Variants in RPS6KA2 observed in about 807,000 individuals in gnomAD.
The protein encoded by RPS6KA2 is ribosomal protein S6 kinase alpha-2.
In RPS6KA2, 42 loss-of-function variants were observed where a neutral mutation model predicts 91.8. The observed-to-expected ratio is 0.46, with a 90% CI of 0.36 to 0.59. RPS6KA2 has a LOEUF of 0.59. Among genes scored for constraint, RPS6KA2 ranks in the 20% least tolerant of loss-of-function variants. The pLI is 0.00. For missense variants in RPS6KA2, 798 were observed against 978.5 expected (o/e 0.82, Z 2.46); for synonymous variants, 414 against 393.6 (o/e 1.05, Z -0.61).
At chr6:166,596,079 C>T (rs1043714948) in intron 1 of RPS6KA2, among the ~76,000 whole-genome samples, 1 of 152,222 alleles carries the variant, frequency 6.6e-6, no homozygotes, top group Admixed American at 6.5e-5. Flanking sequence ...ATGTGACTTG[C>T]ACTGTGATGC....
chr6:166,682,643 A>T (rs1474652139), intron 2 of RPS6KA2, among the ~76,000 whole-genome samples: 2 of 152,224 alleles, frequency 1.3e-5, no homozygotes, highest in Non-Finnish European at 2.9e-5. Flanking sequence ...ACTGGGTGGG[A>T]GTGTGGAGAT....
chr6:166,525,624 G>C (rs141253807), intron 3 of RPS6KA2, among the ~76,000 whole-genome samples: 182 of 152,344 alleles, frequency 1.2e-3, no homozygotes, highest in Non-Finnish European at 1.7e-3. Flanking sequence ...ACGGTTTGGA[G>C]AAACAAGCTG....
chr6:166,730,532 G>T (rs1790479393), intron 2 of RPS6KA2, among the ~76,000 whole-genome samples: 1 of 152,164 alleles, frequency 6.6e-6, no homozygotes, highest in Non-Finnish European at 1.5e-5. Flanking sequence ...ACCTTAGAAT[G>T]CTGCGTGTCA....
At chr6:166,760,545 G>A (rs371658589) in intron 2 of RPS6KA2, among the ~76,000 whole-genome samples, 6 of 152,206 alleles carry the variant, frequency 3.9e-5, no homozygotes, top group East Asian at 3.8e-4. Context: ...TGATTCTATC[G>A]CTCCTGGCAA....
At chr6:166,657,519 G>A (rs1431642422) in intron 2 of RPS6KA2, among the ~76,000 whole-genome samples, 1 of 152,188 alleles carries the variant, frequency 6.6e-6, no homozygotes, top group African/African-American at 2.4e-5. Flanking sequence ...TGAAACTAAC[G>A]ACACGGAACC....
intron 2 of RPS6KA2, among the ~76,000 whole-genome samples, chr6:166,727,684 A>G (rs1443154844): frequency 6.6e-6 from 1 of 152,134 alleles, no homozygotes; most frequent in Non-Finnish European, 1.5e-5. Context: ...CAGCACCCTA[A>G]GTCACCAGCA....
chr6:166,685,082 A>G (rs528210334), intron 2 of RPS6KA2, among the ~76,000 whole-genome samples: 50 of 152,330 alleles, frequency 3.3e-4, no homozygotes, highest in South Asian at 1.9e-3. Flanking sequence ...AAGCACCCCA[A>G]CCTCGAAGTC....
intron 2 of RPS6KA2, among the ~76,000 whole-genome samples, chr6:166,815,338 C>T (rs973336100): frequency 1.3e-5 from 2 of 152,192 alleles, no homozygotes; most frequent in African/African-American, 2.4e-5. Flanking sequence ...ACCTCTGATC[C>T]CTGTGCGGAT....
Position 166,600,758 on chromosome 6 carries a change from T to A in RPS6KA2, c.99+26163A>T, listed in dbSNP as rs181995050. Among the ~76,000 whole-genome samples the A allele has an allele frequency of 1.7e-3, 254 of 152,334 alleles. 2 individuals are homozygous for A. The highest frequency in any genetic ancestry group is 2.2e-3 in the Admixed American group (34 of 15,302). Reference sequence around the variant, plus strand: ...ATTTGAAGTAAAATGAAATTTCAGATGTGTAGAAATCAGTGAAAGAAGCTC... The same window carrying A: ...ATTTGAAGTAAAATGAAATTTCAGAAGTGTAGAAATCAGTGAAAGAAGCTC... On this transcript the variant is annotated intron_variant, in intron 1 of 20. Coordinates refer to ENST00000265678, the MANE Select transcript of RPS6KA2 (RefSeq NM_021135.6).
chr6:166,779,963 G>A (rs1299596344), intron 2 of RPS6KA2, among the ~76,000 whole-genome samples: 1 of 152,166 alleles, frequency 6.6e-6, no homozygotes, highest in African/African-American at 2.4e-5. Context: ...TCATCCCAAG[G>A]ATACCACCAT....
chr6:166,680,433 T>A (rs144120025), intron 2 of RPS6KA2, among the ~76,000 whole-genome samples: 29 of 152,318 alleles, frequency 1.9e-4, no homozygotes, highest in African/African-American at 7.0e-4. Flanking sequence ...CCAGGAGACC[T>A]ACCTGCTCTG....
intron 2 of RPS6KA2, among the ~76,000 whole-genome samples, chr6:166,735,907 C>T (rs902440736): frequency 1.3e-5 from 2 of 152,146 alleles, no homozygotes; most frequent in Admixed American, 6.5e-5. Flanking sequence ...TGAAAAGCTT[C>T]GTAAGAAAGA....
intron 3 of RPS6KA2, 33 bp downstream of exon 3, chr6:166,531,199 C>G: frequency 1.4e-6 from 2 of 1,445,500 alleles, no homozygotes; most frequent in Non-Finnish European, 1.9e-6. Context: ...AGTTACCTGT[C>G]TCTGAAGCAG....
intron 1 of RPS6KA2, among the ~76,000 whole-genome samples, chr6:166,584,946 C>T (rs1785122447): frequency 6.6e-6 from 1 of 152,202 alleles, no homozygotes. Flanking sequence ...GAGGGGGTGG[C>T]ACATTGGTGT....
chr6:166,625,331 ACCCCC>A lies in RPS6KA2; in HGVS notation c.99+1585_99+1589del, dbSNP rs10583661. On this transcript the variant is annotated intron_variant, in intron 1 of 20. Coordinates refer to ENST00000265678, the MANE Select transcript of RPS6KA2 (RefSeq NM_021135.6). ...CGTTTCCTATTCCCACCACCCCCCC[ACCCCC>A]CCCCCCGCTTGTTTCCCACTGTATT... 4.4e-3 allele frequency among the ~76,000 whole-genome samples: 229 copies of A among 52,618 alleles called. 7 individuals are homozygous for A. The highest frequency in any genetic ancestry group is 0.016 in the African/African-American group (209 of 13,240). 34.5% of individuals were successfully genotyped at this position (52,618 alleles called of 152,430 possible).
chr6:166,594,413 T>A (rs1011222284), intron 1 of RPS6KA2, among the ~76,000 whole-genome samples: 1 of 152,186 alleles, frequency 6.6e-6, no homozygotes, highest in Non-Finnish European at 1.5e-5. Flanking sequence ...ATTAAAAAAA[T>A]TGTCACGTGA....
intron 2 of RPS6KA2, among the ~76,000 whole-genome samples, chr6:166,766,969 T>C (rs1316703104): frequency 6.6e-6 from 1 of 152,162 alleles, no homozygotes; most frequent in Non-Finnish European, 1.5e-5. Flanking sequence ...CTCGCCTTTG[T>C]TTACAAGTCC....
chr6:166,804,962 C>G (rs1178713896), intron 2 of RPS6KA2, among the ~76,000 whole-genome samples: 1 of 152,200 alleles, frequency 6.6e-6, no homozygotes, highest in East Asian at 1.9e-4. Context: ...CACTTTTTCT[C>G]TCTTTCCTCT....
In RPS6KA2 at chr6:166,437,188, C is replaced by T. The variant is rs1266771592; in HGVS notation, c.1333-4698G>A. ...GCTGCGGGCAGCCGGGGTTTGGACACACTGTTTAGGAGCACCAGGGAGTGG... is the reference window on the plus strand; with the variant it reads ...GCTGCGGGCAGCCGGGGTTTGGACATACTGTTTAGGAGCACCAGGGAGTGG... On this transcript the variant is annotated intron_variant, in intron 14 of 20. Coordinates refer to ENST00000265678, the MANE Select transcript of RPS6KA2 (RefSeq NM_021135.6). This position sits in a 1 kb window ranked among gnomAD's most constrained non-coding sequence, Gnocchi z 4.3. Among the ~76,000 whole-genome samples, 1 of 152,070 alleles carries T rather than the reference C, an allele frequency of 6.6e-6. No homozygotes were observed. Among genetic ancestry groups the T allele is most frequent in the East Asian group, 1.9e-4 (1 of 5,178 alleles).
Sources: gnomAD v4.1 joint callset for allele counts (sites outside exome capture counted in the v4.1 genomes callset) on GRCh38, gnomAD v4.1.1 for gene constraint, Gnocchi (gnomAD v3.1) non-coding constraint, MANE v1.5 for transcripts, NCBI Gene and HGNC (gene_info 2026-07-23, HGNC 2026-07-21) for gene names.